Variants in MYO1F observed in about 807,000 individuals in gnomAD.
MYO1F encodes unconventional myosin-If.
MYO1F carries 60 observed loss-of-function variants against 146.6 expected under a neutral mutation model. The observed-to-expected ratio is 0.41, with a 90% confidence interval of 0.33 to 0.51. MYO1F has a LOEUF of 0.51. Among genes scored for constraint, MYO1F ranks in the 20% least tolerant of loss-of-function variants. The pLI, the probability that MYO1F is intolerant of heterozygous loss-of-function variation, is 0.25. For missense variants in MYO1F, 1,274 were observed against 1,534.3 expected (o/e 0.83, Z 2.83); for synonymous variants, 602 against 602.1 (o/e 1.00, Z 0.00).
chr19:8,555,507 A>G (rs1973811413), intron 2 of MYO1F, 152 bp downstream of exon 2: 8 of 1,021,702 alleles, frequency 7.8e-6, no homozygotes, highest in Non-Finnish European at 1.2e-5. Flanking sequence ...GCCCCCAACC[A>G]GAGCCCTGCT....
intron 12 of MYO1F, chr19:8,547,761 G>T: frequency 2.1e-6 from 1 of 467,886 alleles, no homozygotes; most frequent in Non-Finnish European, 3.9e-6. Context: ...TTGCCTTATT[G>T]TTCATGGCTG....
At chr19:8,576,968 A>G in intron 1 of MYO1F, 1 of 498,932 alleles carries the variant, frequency 2.0e-6, no homozygotes, top group South Asian at 2.2e-5. Flanking sequence ...ACTGGGCTGG[A>G]CTGGGAAAGG....
chr19:8,547,141 G>T (rs1211378512), intron 12 of MYO1F, among the ~76,000 whole-genome samples: 2 of 151,820 alleles, frequency 1.3e-5, no homozygotes, highest in South Asian at 2.1e-4. Context: ...CTACAAAAAA[G>T]TTTTAAAATA....
Position 8,555,677 on chromosome 19 carries a change from G to A in MYO1F, c.123C>T (p.Phe41=), listed in dbSNP as rs376624737. Residue 41 remains phenylalanine, a synonymous_variant, in exon 2 of 28, where the codon TTC becomes TTT. Transcript: ENST00000644032. ...DAIAANLRKR[F]MDDYIFTYIG... ...AGGGTACGAAGATGTAGTCGTCCAT[G>A]AAGCGCTTCCGGAGGTTGGCGGCAA... The A allele has an allele frequency of 1.9e-6, 3 of 1,614,040 alleles. No individual in the cohort carries two copies. The highest frequency in any genetic ancestry group is 2.5e-6 in the Non-Finnish European group (3 of 1,180,044).
At position 8,539,962 on chromosome 19, in the gene MYO1F, G is replaced by C; in HGVS notation, c.1677C>G (p.Ala559=). ...DGDKKGRPST[A]GSKIKKQAND... Reference sequence around the variant, plus strand: ...CCAGGCCCACCTTGATCTTGGAGCCGGCGGTGCTGGGGCGCCCCTTCTTGT... The same window carrying C: ...CCAGGCCCACCTTGATCTTGGAGCCCGCGGTGCTGGGGCGCCCCTTCTTGT... Residue 559 remains alanine, a synonymous_variant, in exon 16 of 28, where the codon GCC becomes GCG. Transcript: ENST00000644032. 6.2e-7 allele frequency: 1 copy of C among 1,612,570 alleles called. No individual in the cohort carries two copies. The highest frequency in any genetic ancestry group is 8.5e-7 in the Non-Finnish European group (1 of 1,179,228).
intron 1 of MYO1F, among the ~76,000 whole-genome samples, chr19:8,558,124 CA>C (rs1460961081): frequency 1.3e-5 from 2 of 152,038 alleles, no homozygotes; most frequent in Non-Finnish European, 2.9e-5. Context: ...CTTAGGTTGC[CA>C]TTTTTTTCAT....
chr19:8,560,938 T>C (rs549341007), intron 1 of MYO1F, among the ~76,000 whole-genome samples: 34 of 152,030 alleles, frequency 2.2e-4, no homozygotes, highest in Admixed American at 6.6e-4. Flanking sequence ...GGGGTTTCAC[T>C]GTATTAGCCA....
chr19:8,539,772 A>G (rs1389790468), intron 16 of MYO1F, among the ~76,000 whole-genome samples, 175 bp downstream of exon 16: 2 of 152,146 alleles, frequency 1.3e-5, no homozygotes, highest in Non-Finnish European at 2.9e-5. Context: ...CAAGCTCCCT[A>G]AACCCAGAGC....
At chr19:8,556,417 G>A (rs1973857411) in intron 1 of MYO1F, among the ~76,000 whole-genome samples, 1 of 151,164 alleles carries the variant, frequency 6.6e-6, no homozygotes, top group Admixed American at 6.6e-5. Context: ...TGAGGCAGGA[G>A]GATCGCTTGA....
chr19:8,530,314 C>CGATTGATGCTGTTG lies in MYO1F; in HGVS notation c.2196_2209dup (p.Arg737ProfsTer51). 6.2e-7 allele frequency: 1 copy of CGATTGATGCTGTTG among 1,614,148 alleles called. No individual in the cohort carries two copies. The highest frequency in any genetic ancestry group is 8.5e-7 in the Non-Finnish European group (1 of 1,180,022). ...CCCCAGGTAGTCCCCGACGAAGTTC[C>CGATTGATGCTGTTG]GATTGATGCTGTTGCGCCTCCGCTC... On this transcript the variant is annotated frameshift_variant, in exon 21 of 28. Transcript: ENST00000644032. LOFTEE classifies it high-confidence loss of function. The surrounding 1 kb of genome is among the most constrained non-coding windows in gnomAD (Gnocchi z 5.8).
intron 16 of MYO1F, 79 bp downstream of exon 16, chr19:8,539,868 G>C: frequency 7.8e-7 from 1 of 1,283,542 alleles, no homozygotes; most frequent in South Asian, 1.2e-5. Context: ...TGGAATGAGA[G>C]AAACAGAGTC....
At chr19:8,560,972 T>A (rs1297655643) in intron 1 of MYO1F, among the ~76,000 whole-genome samples, 2 of 151,604 alleles carry the variant, frequency 1.3e-5, no homozygotes, top group Non-Finnish European at 2.9e-5. Flanking sequence ...CTCCTGACCT[T>A]GTGATCTGCC....
chr19:8,557,565 G>A (rs1973911834), intron 1 of MYO1F, among the ~76,000 whole-genome samples: 1 of 152,182 alleles, frequency 6.6e-6, no homozygotes, highest in Non-Finnish European at 1.5e-5. Flanking sequence ...GTCCCCCAAA[G>A]TGGTGGGATT....
Position 8,530,690 on chromosome 19 carries a change from T to G in MYO1F, c.2044-117A>C. 1.2e-6 allele frequency: 1 copy of G among 804,718 alleles called. No individual in the cohort carries two copies. The highest frequency in any genetic ancestry group is 2.1e-6 in the Non-Finnish European group (1 of 478,006). 49.8% of individuals were successfully genotyped at this position (804,718 alleles called of 1,614,324 possible). ...GCTTTTGCTCACCCATCCCCACACATGTGCTAATTTTTTTAAGAGGCGGGG... is the reference window on the plus strand; with the variant it reads ...GCTTTTGCTCACCCATCCCCACACAGGTGCTAATTTTTTTAAGAGGCGGGG... On this transcript the variant is annotated intron_variant, in intron 19 of 27. Transcript: ENST00000644032. This position sits in a 1 kb window ranked among gnomAD's most constrained non-coding sequence, Gnocchi z 5.8.
chr19:8,544,469 G>A lies in MYO1F; in HGVS notation c.1357-5C>T, dbSNP rs961930488. Reference sequence around the variant, plus strand: ...GCTCATGATGCCTGGGGGGCTCTGCGGGGCGAGCGGGAGCCAGCAGCGGCT... The same window carrying A: ...GCTCATGATGCCTGGGGGGCTCTGCAGGGCGAGCGGGAGCCAGCAGCGGCT... On this transcript the variant is annotated splice_region_variant and splice_polypyrimidine_tract_variant and intron_variant, in intron 13 of 27. Transcript: ENST00000644032. 7 of 1,606,162 alleles carry A rather than the reference G, an allele frequency of 4.4e-6. No homozygotes were observed. Among genetic ancestry groups the A allele is most frequent in the East Asian group, 4.5e-5 (2 of 44,826 alleles).
chr19:8,552,700 C>T (rs7252717), intron 6 of MYO1F, among the ~76,000 whole-genome samples: 7,641 of 145,936 alleles, frequency 0.052, 381 homozygotes, highest in African/African-American at 0.15. Context: ...AGATTTTTTT[C>T]CCCCCCAGGC....
chr19:8,550,846 G>A (rs1973574964), intron 8 of MYO1F, 152 bp from the exon 9 acceptor site: 4 of 909,966 alleles, frequency 4.4e-6, no homozygotes, highest in Non-Finnish European at 6.8e-6. Flanking sequence ...CGTGACCTTG[G>A]GTAAGTGCCT....
At position 8,548,327 on chromosome 19, in the gene MYO1F, G is replaced by A; in HGVS notation, c.1102-10C>T. ...TAGCACGGTTGATGGCCTGCGGTGT[G>A]GGTGGGGACAGGAAGTCAGTGGGCA... On this transcript the variant is annotated splice_polypyrimidine_tract_variant and intron_variant, in intron 10 of 27. Transcript: ENST00000644032. 1.2e-6 allele frequency: 2 copies of A among 1,603,606 alleles called. No homozygotes were observed. Among genetic ancestry groups the A allele is most frequent in the Non-Finnish European group, 1.7e-6 (2 of 1,179,748 alleles).
intron 15 of MYO1F, chr19:8,541,609 A>C: frequency 2.5e-6 from 1 of 402,016 alleles, no homozygotes; most frequent in South Asian, 2.2e-5. Flanking sequence ...TTATAATTTT[A>C]GTAGAGACAA....
Sources: allele counts gnomAD v4.1 joint callset (sites outside exome capture counted in the v4.1 genomes callset), GRCh38; gene constraint gnomAD v4.1.1; non-coding constraint Gnocchi (gnomAD v3.1); transcripts MANE v1.5; gene names NCBI Gene and HGNC (gene_info 2026-07-23, HGNC 2026-07-21).